Variants in GRIN3A observed in about 807,000 individuals in gnomAD.
GRIN3A encodes glutamate receptor ionotropic, NMDA 3A.
GRIN3A carries 47 observed loss-of-function variants against 92.4 expected under a neutral mutation model. That is an observed-to-expected ratio of 0.51 (90% CI 0.40 to 0.65). The LOEUF (loss-of-function observed/expected upper bound fraction) is 0.65, where lower values mean the gene tolerates loss of function less well. GRIN3A is among the 30% of genes least tolerant of loss of function. GRIN3A has a pLI of 0.00. For missense variants in GRIN3A, 1,324 were observed against 1,393.1 expected, an observed-to-expected ratio of 0.95 and a Z score of 0.79; for synonymous variants, 527 against 540.6, an observed-to-expected ratio of 0.97 and a Z score of 0.35.
At chr9:101,646,648 G>A (rs944238473) in intron 3 of GRIN3A, among the ~76,000 whole-genome samples, 1 of 151,866 alleles carries the variant, frequency 6.6e-6, no homozygotes, top group Admixed American at 6.6e-5. Flanking sequence ...TCCAATCCAT[G>A]AGCATAGGAT....
intron 1 of GRIN3A, among the ~76,000 whole-genome samples, chr9:101,734,013 G>A (rs1564155143): frequency 6.6e-6 from 1 of 152,100 alleles, no homozygotes; most frequent in Non-Finnish European, 1.5e-5. Flanking sequence ...AGTCACTTTT[G>A]AATTGCATGG....
At chr9:101,650,292 C>T (rs886394885) in intron 3 of GRIN3A, among the ~76,000 whole-genome samples, 1 of 152,034 alleles carries the variant, frequency 6.6e-6, no homozygotes, top group Admixed American at 6.6e-5. Flanking sequence ...TGTCATGTCA[C>T]TATTAGGCTC....
At chr9:101,689,814 T>C (rs1829591476) in intron 1 of GRIN3A, among the ~76,000 whole-genome samples, 1 of 151,910 alleles carries the variant, frequency 6.6e-6, no homozygotes, top group African/African-American at 2.4e-5. Flanking sequence ...TCAAGCCTGA[T>C]AGTAAAATTT....
At chr9:101,622,922 C>T (rs1278313258) in intron 5 of GRIN3A, among the ~76,000 whole-genome samples, 1 of 151,630 alleles carries the variant, frequency 6.6e-6, no homozygotes, top group African/African-American at 2.4e-5. Flanking sequence ...AAGGCTGAGG[C>T]AGGAGGATCA....
intron 2 of GRIN3A, among the ~76,000 whole-genome samples, chr9:101,680,835 G>C (rs2118968682): frequency 6.6e-6 from 1 of 152,270 alleles, no homozygotes; most frequent in Admixed American, 6.5e-5. Context: ...CTGACTACTT[G>C]ATTCAATTCT....
chr9:101,573,535 G>C (rs751914104), intron 8 of GRIN3A, 22 bp from the exon 9 acceptor site: 1 of 1,583,162 alleles, frequency 6.3e-7, no homozygotes, highest in Non-Finnish European at 8.7e-7. Context: ...AGAAATTTTA[G>C]ATTTACTTTC....
intron 3 of GRIN3A, among the ~76,000 whole-genome samples, chr9:101,654,272 C>T (rs909560576): frequency 8.3e-6 from 1 of 120,672 alleles, no homozygotes; most frequent in Admixed American, 8.7e-5. Flanking sequence ...TGCTCTGGTA[C>T]ATACACATGC....
intron 6 of GRIN3A, chr9:101,591,905 T>G (rs1828031422): frequency 6.6e-6 from 1 of 152,220 alleles, no homozygotes; most frequent in Non-Finnish European, 1.5e-5. Flanking sequence ...CTCTCTTTGT[T>G]AAATGTGAGC....
At chr9:101,715,378 C>T (rs2210991) in intron 1 of GRIN3A, among the ~76,000 whole-genome samples, 122,206 of 152,030 alleles carry the variant, frequency 0.8, 50,542 homozygotes, top group Non-Finnish European at 0.91. Context: ...TGTTTAAGGC[C>T]GGGCATGGTG....
intron 6 of GRIN3A, among the ~76,000 whole-genome samples, chr9:101,598,034 G>C (rs577275435): frequency 6.6e-6 from 1 of 152,130 alleles, no homozygotes; most frequent in African/African-American, 2.4e-5. Context: ...AGTATGTGGG[G>C]ATAAAGTAGA....
intron 3 of GRIN3A, among the ~76,000 whole-genome samples, chr9:101,629,934 C>G (rs1330508117): frequency 6.6e-6 from 1 of 152,144 alleles, no homozygotes; most frequent in Admixed American, 6.5e-5. Context: ...ATCTTGCATT[C>G]TAGCTCATGA....
At chr9:101,648,359 T>C (rs1828966780) in intron 3 of GRIN3A, among the ~76,000 whole-genome samples, 1 of 152,090 alleles carries the variant, frequency 6.6e-6, no homozygotes, top group African/African-American at 2.4e-5. Flanking sequence ...AAAATTTTGT[T>C]GACTTGTTTT....
chr9:101,647,866 A>T (rs10989580), intron 3 of GRIN3A, among the ~76,000 whole-genome samples: 1 of 151,418 alleles, frequency 6.6e-6, no homozygotes, highest in Non-Finnish European at 1.5e-5. Flanking sequence ...ATTTGTTTGC[A>T]TCTTCTTTCT....
chr9:101,642,783 C>T (rs893971650), intron 3 of GRIN3A, among the ~76,000 whole-genome samples: 1 of 152,078 alleles, frequency 6.6e-6, no homozygotes, highest in African/African-American at 2.4e-5. Context: ...CTATTGTGAA[C>T]CCCACGTGCG....
chr9:101,578,544 A>AC, intron 7 of GRIN3A, among the ~76,000 whole-genome samples: 1 of 152,230 alleles, frequency 6.6e-6, no homozygotes, highest in East Asian at 1.9e-4. Context: ...GTCAAGTGAA[A>AC]CCACTCCCTT....
chr9:101,715,859 A>G (rs1010206614), intron 1 of GRIN3A, among the ~76,000 whole-genome samples: 1 of 152,214 alleles, frequency 6.6e-6, no homozygotes, highest in African/African-American at 2.4e-5. Flanking sequence ...GGAAGGAAAT[A>G]TATGTTAAGG....
intron 6 of GRIN3A, among the ~76,000 whole-genome samples, chr9:101,611,553 T>A (rs1031180638): frequency 6.6e-6 from 1 of 152,218 alleles, no homozygotes; most frequent in Non-Finnish European, 1.5e-5. Context: ...CGATGTATGC[T>A]TTTGCCTTCT....
At chr9:101,641,933 AATC>A (rs1828871139) in intron 3 of GRIN3A, among the ~76,000 whole-genome samples, 1 of 152,214 alleles carries the variant, frequency 6.6e-6, no homozygotes, top group Non-Finnish European at 1.5e-5. Flanking sequence ...ATTGTTTGAT[AATC>A]ATCATCTGTT....
chr9:101,622,178 A>G (rs1398709397), intron 5 of GRIN3A, among the ~76,000 whole-genome samples: 1 of 152,228 alleles, frequency 6.6e-6, no homozygotes, highest in Non-Finnish European at 1.5e-5. Context: ...GAAAACAAAG[A>G]CAGAGGTAAA....
Sources: gnomAD v4.1 joint callset for allele counts (sites outside exome capture counted in the v4.1 genomes callset) on GRCh38, gnomAD v4.1.1 for gene constraint, MANE v1.5 for transcripts, NCBI Gene and HGNC (gene_info 2026-07-23, HGNC 2026-07-21) for gene names.